The following ZNF783 variants were observed in gnomAD, a reference collection of about 807,000 sequenced individuals.
The protein encoded by ZNF783 is protein ZNF783.
Under a neutral mutation model 31.3 loss-of-function variants are expected in ZNF783, and 25 were observed. The observed-to-expected ratio is 0.80, with a 90% CI of 0.58 to 1.11. The LOEUF is 1.11. Ranked by LOEUF, ZNF783 falls within the 50% of genes most tolerant of loss-of-function variation. The probability of loss-of-function intolerance (pLI) is 0.00; values close to 1 mark genes in which losing one functional copy is unlikely to be tolerated. For missense variants in ZNF783, 797 were observed against 760.0 expected (o/e 1.05, Z -0.57); for synonymous variants, 369 against 319.1 (o/e 1.16, Z -1.66).
rs551006542 is a variant in ZNF783, at chr7:149,282,511, G to A, written c.*168G>A. The A allele has an allele frequency of 1.8e-4, 114 of 621,290 alleles. No homozygotes were observed. The East Asian group carries it at 3.3e-3, about 18-fold the overall frequency. The allele number at this position is 621,290 out of a possible 1,614,324, so 38.5% of individuals were successfully genotyped here. On this transcript the variant is annotated 3_prime_UTR_variant, in exon 6 of 6. Coordinates refer to ENST00000434415, the MANE Select transcript of ZNF783 (RefSeq NM_001195220.2). Reference sequence around the variant, plus strand: ...TGTGACCGGGTGCTTTCTGTTTCCTGTTTGCACTCTTCGCTGCCTTTTCTG... The same window carrying A: ...TGTGACCGGGTGCTTTCTGTTTCCTATTTGCACTCTTCGCTGCCTTTTCTG...
At chr7:149,279,047 G>A (rs148053393) in intron 5 of ZNF783, among the ~76,000 whole-genome samples, 18 of 152,296 alleles carry the variant, frequency 1.2e-4, no homozygotes, top group African/African-American at 3.6e-4. Flanking sequence ...GGCATTTAGC[G>A]GAACACTTGC....
chr7:149,272,586 T>G (rs891137226), intron 4 of ZNF783, among the ~76,000 whole-genome samples: 10 of 151,068 alleles, frequency 6.6e-5, no homozygotes, highest in Admixed American at 6.6e-4. Flanking sequence ...TAGAACTCTT[T>G]CTATTTTAAT....
At position 149,284,084 on chromosome 7, in the gene ZNF783, G is replaced by C. The variant is rs1797546039; in HGVS notation, c.*1741G>C. On this transcript the variant is annotated 3_prime_UTR_variant, in exon 6 of 6. Transcript: ENST00000434415. ...AGACTGCCTCATGGGGCAGTCTGGAGGTCAGCTGGCTTCTGGTGTCTCTCA... is the reference window on the plus strand; with the variant it reads ...AGACTGCCTCATGGGGCAGTCTGGACGTCAGCTGGCTTCTGGTGTCTCTCA... 6.8e-6 allele frequency: 1 copy of C among 147,420 alleles called. No individual in the cohort carries two copies. The highest frequency in any genetic ancestry group is 1.5e-5 in the Non-Finnish European group (1 of 66,148). 9.1% of individuals were successfully genotyped at this position (147,420 alleles called of 1,614,324 possible).
At position 149,262,480 on chromosome 7, in the gene ZNF783, C is replaced by T. The variant is rs2129524619; in HGVS notation, c.24+123C>T. 9.7e-6 allele frequency: 8 copies of T among 827,082 alleles called. No individual in the cohort carries two copies. In the East Asian group the frequency reaches 2.7e-4, roughly 28 times the overall value. 51.2% of individuals were successfully genotyped at this position (827,082 alleles called of 1,614,324 possible). A position where few individuals can be genotyped will look rare whatever the true frequency, so the allele number is the denominator to read the frequency against. ...GGGCCTTGCGCGCAGCCTCCGCGCT[C>T]GTTGCCCCCGGCCCATCGCCCAGCC... On this transcript the variant is annotated intron_variant, in intron 1 of 5. Coordinates refer to ENST00000434415, the MANE Select transcript of ZNF783 (RefSeq NM_001195220.2).
In ZNF783 at chr7:149,266,962, A is replaced by G. The variant is rs556277925; in HGVS notation, c.547+17A>G. 10 of 1,613,750 alleles carry G rather than the reference A, an allele frequency of 6.2e-6. No individual in the cohort carries two copies. The African/African-American group carries it at 1.2e-4, about 19-fold the overall frequency. On this transcript the variant is annotated intron_variant, in intron 3 of 5. Transcript: ENST00000434415. ...TCTCCCTGGGTAAGGCCACGGAGGG[A>G]GGATCTGGGCCTCTGTCCACAGGTT...
Position 149,263,325 on chromosome 7 carries a change from T to TA in ZNF783, c.24+968_24+969insA, listed in dbSNP as rs1491212623. ...GTGTGTATATATATATATATATATA[T>TA]TTTTTTTTTAGACACAGTCTCACTC... On this transcript the variant is annotated intron_variant, in intron 1 of 5. Transcript: ENST00000434415. 5.9e-4 allele frequency among the ~76,000 whole-genome samples: 69 copies of TA among 116,092 alleles called. 1 individual carries two copies. Among genetic ancestry groups the TA allele is most frequent in the East Asian group, 1.5e-3 (7 of 4,764 alleles). 76.2% of individuals were successfully genotyped at this position (116,092 alleles called of 152,430 possible). A position where few individuals can be genotyped will look rare whatever the true frequency, so the allele number is the denominator to read the frequency against.
At chr7:149,267,469 TAA>T (rs1399927537) in intron 4 of ZNF783, among the ~76,000 whole-genome samples, 1 of 152,222 alleles carries the variant, frequency 6.6e-6, no homozygotes, top group Non-Finnish European at 1.5e-5. Context: ...GACTGAGTGA[TAA>T]GTGTTAAGCA....
chr7:149,264,481 GGCCATGAAGAAGTCTAGATCTTAT>G (rs1339634893), intron 1 of ZNF783, among the ~76,000 whole-genome samples: 1 of 152,144 alleles, frequency 6.6e-6, no homozygotes, highest in Non-Finnish European at 1.5e-5. Context: ...AGGTCGGCTG[GGCCATGAAGAAGTCTAGATCTTAT>G]GCCAGGTACA....
chr7:149,280,990 C>T (rs780743788), intron 5 of ZNF783, among the ~76,000 whole-genome samples: 18 of 152,206 alleles, frequency 1.2e-4, no homozygotes, highest in Non-Finnish European at 2.1e-4. Context: ...AGGTCGTGGA[C>T]GCTCTGTGTG....
At chr7:149,266,761 C>T (rs769322399) in intron 2 of ZNF783, 31 bp downstream of exon 2, 2 of 1,613,278 alleles carry the variant, frequency 1.2e-6, no homozygotes, top group Admixed American at 3.3e-5. Flanking sequence ...GGTGGGGGAG[C>T]TCGAGGGGCT....
chr7:149,262,228 C>T lies in ZNF783; in HGVS notation c.-106C>T. ...AGTTCGCTGCCGCCCGGCAGTAGCTCTCAGGTTAGGCGGGTCCCGCTCCGC... is the reference window on the plus strand; with the variant it reads ...AGTTCGCTGCCGCCCGGCAGTAGCTTTCAGGTTAGGCGGGTCCCGCTCCGC... On this transcript the variant is annotated 5_prime_UTR_variant, in exon 1 of 6. Coordinates refer to ENST00000434415, the MANE Select transcript of ZNF783 (RefSeq NM_001195220.2). 2.8e-6 allele frequency: 3 copies of T among 1,082,074 alleles called. No homozygotes were observed. Among genetic ancestry groups the T allele is most frequent in the South Asian group, 2.4e-5 (1 of 41,024 alleles). 67.0% of individuals were successfully genotyped at this position (1,082,074 alleles called of 1,614,324 possible). A position where few individuals can be genotyped will look rare whatever the true frequency, so the allele number is the denominator to read the frequency against.
chr7:149,278,656 T>C (rs1396153091), intron 5 of ZNF783, 129 bp downstream of exon 5: 4 of 1,452,416 alleles, frequency 2.8e-6, no homozygotes, highest in Non-Finnish European at 3.7e-6. Flanking sequence ...CTGGTTGGGC[T>C]GGGCCGGACA....
chr7:149,264,975 TGGAAGTGGGGGAGAAGGC>T (rs1797030546), intron 1 of ZNF783, among the ~76,000 whole-genome samples: 1 of 114,872 alleles, frequency 8.7e-6, no homozygotes, highest in African/African-American at 3.3e-5. Context: ...GGGAGAAGGC[TGGAAGTGGGGGAGAAGGC>T]TGGAAGTGGG....
In ZNF783 at chr7:149,282,427, A is replaced by G; in HGVS notation, c.*84A>G. On this transcript the variant is annotated 3_prime_UTR_variant, in exon 6 of 6. Coordinates refer to ENST00000434415, the MANE Select transcript of ZNF783 (RefSeq NM_001195220.2). ...TTCTTCCTTTTCCTGGGATGGAGAG[A>G]GGTTTGTTGTTTTTACCCATTCAAA... 1.6e-6 allele frequency: 2 copies of G among 1,226,386 alleles called. No individual in the cohort carries two copies. The highest frequency in any genetic ancestry group is 3.2e-5 in the South Asian group (2 of 62,566). 76.0% of individuals were successfully genotyped at this position (1,226,386 alleles called of 1,614,324 possible).
At chr7:149,263,262 ATACGTG>A (rs1187698187) in intron 1 of ZNF783, among the ~76,000 whole-genome samples, 2 of 122,276 alleles carry the variant, frequency 1.6e-5, no homozygotes, top group African/African-American at 6.7e-5. Flanking sequence ...GTATATATAT[ATACGTG>A]TGTGTGTGTG....
At chr7:149,265,802 C>G (rs1207605518) in intron 1 of ZNF783, among the ~76,000 whole-genome samples, 1 of 152,150 alleles carries the variant, frequency 6.6e-6, no homozygotes, top group Non-Finnish European at 1.5e-5. Context: ...TCTCTCAGTG[C>G]TATTGTATAG....
intron 4 of ZNF783, among the ~76,000 whole-genome samples, chr7:149,273,975 C>A (rs1441812820): frequency 6.6e-6 from 1 of 151,930 alleles, no homozygotes; most frequent in Non-Finnish European, 1.5e-5. Context: ...GTTATGAATC[C>A]CTTGTCAGAT....
chr7:149,268,949 T>C (rs1797149808), intron 4 of ZNF783, among the ~76,000 whole-genome samples: 1 of 152,232 alleles, frequency 6.6e-6, no homozygotes, highest in Admixed American at 6.5e-5. Flanking sequence ...CTATTTTCCT[T>C]TGGGTATATA....
At chr7:149,278,587 A>C (rs866926905) in intron 5 of ZNF783, 60 bp downstream of exon 5, 1 of 1,593,196 alleles carries the variant, frequency 6.3e-7, no homozygotes. Context: ...CGCGATCACC[A>C]AGCGATGGTG....
Sources: allele counts gnomAD v4.1 joint callset (sites outside exome capture counted in the v4.1 genomes callset), GRCh38; gene constraint gnomAD v4.1.1; transcripts MANE v1.5; gene names NCBI Gene and HGNC (gene_info 2026-07-23, HGNC 2026-07-21).